The following RPH3AL variants were observed in gnomAD, a reference collection of about 807,000 sequenced individuals.
RPH3AL encodes the protein rab effector Noc2.
Under a neutral mutation model 43.1 loss-of-function variants are expected in RPH3AL, and 38 were observed. The ratio of observed to expected loss-of-function variants is 0.88; its 90% CI spans 0.68 to 1.15. The LOEUF (loss-of-function observed/expected upper bound fraction) is 1.15. Ranked by LOEUF, RPH3AL falls within the 50% of genes most tolerant of loss-of-function variation. The pLI, the probability that RPH3AL is intolerant of heterozygous loss-of-function variation, is 0.00. For missense variants in RPH3AL, 462 were observed against 423.2 expected (o/e 1.09, Z -0.81); for synonymous variants, 189 against 176.3 (o/e 1.07, Z -0.57).
At chr17:248,991 C>A (rs2151547608) in intron 6 of RPH3AL, among the ~76,000 whole-genome samples, 1 of 152,260 alleles carries the variant, frequency 6.6e-6, no homozygotes, top group Non-Finnish European at 1.5e-5. Context: ...AAGCTCTTCT[C>A]TGAGGACTTC....
At position 323,280 on chromosome 17, in the gene RPH3AL, A is replaced by G. The variant is rs994030779; in HGVS notation, c.78-1865T>C. On this transcript the variant is annotated intron_variant, in intron 3 of 9. Coordinates refer to ENST00000331302, the MANE Select transcript of RPH3AL (RefSeq NM_006987.4). This position sits in a 1 kb window ranked among gnomAD's most constrained non-coding sequence, Gnocchi z 4.4. ...CCAATTTAAAAAAAAAAAAACTGCA[A>G]TGCCCTAGACCAACGCTTTCCAAGC... Among the ~76,000 whole-genome samples the G allele has an allele frequency of 1.3e-5, 2 of 151,782 alleles. No individual in the cohort carries two copies. Among genetic ancestry groups the G allele is most frequent in the African/African-American group, 2.4e-5 (1 of 41,250 alleles).
rs908159311 is a variant in RPH3AL, at chr17:274,288, C to A, written c.438+7480G>T. 3.3e-5 allele frequency among the ~76,000 whole-genome samples: 5 copies of A among 152,310 alleles called. No individual in the cohort carries two copies. The highest frequency in any genetic ancestry group is 1.2e-4 in the African/African-American group (5 of 41,590). ...CTCCACATCAGGTGAGGGGATGAGG[C>A]GGGAGACGGGAGGCGTGCCATGGAC... On this transcript the variant is annotated intron_variant, in intron 6 of 9. Coordinates refer to ENST00000331302, the MANE Select transcript of RPH3AL (RefSeq NM_006987.4). This position sits in a 1 kb window ranked among gnomAD's most constrained non-coding sequence, Gnocchi z 4.7.
chr17:289,543 T>A lies in RPH3AL; in HGVS notation c.352-7689A>T, dbSNP rs9891792. On this transcript the variant is annotated intron_variant, in intron 5 of 9. Coordinates refer to ENST00000331302, the MANE Select transcript of RPH3AL (RefSeq NM_006987.4). This position sits in a 1 kb window ranked among gnomAD's most constrained non-coding sequence, Gnocchi z 5.2. ...TTCCCGACATGGCAGCCAGGCCGATTTTCTCAAGAGGCAAATCTAATCATG... is the reference window on the plus strand; with the variant it reads ...TTCCCGACATGGCAGCCAGGCCGATATTCTCAAGAGGCAAATCTAATCATG... Among the ~76,000 whole-genome samples the A allele has an allele frequency of 6.6e-6, 1 of 152,184 alleles. No homozygotes were observed. The highest frequency in any genetic ancestry group is 1.5e-5 in the Non-Finnish European group (1 of 68,038).
intron 7 of RPH3AL, among the ~76,000 whole-genome samples, chr17:229,857 G>C (rs984120085): frequency 6.6e-6 from 1 of 152,228 alleles, no homozygotes; most frequent in Admixed American, 6.5e-5. Context: ...CTGAGGCCCA[G>C]AGGGCCTGTC....
intron 1 of RPH3AL, among the ~76,000 whole-genome samples, chr17:347,450 G>C (rs1567542372): frequency 1.3e-5 from 2 of 152,170 alleles, no homozygotes; most frequent in East Asian, 3.9e-4. Flanking sequence ...CAGGCGTGAG[G>C]GCACATGCCC....
intron 7 of RPH3AL, among the ~76,000 whole-genome samples, chr17:243,614 A>ACCTTCCTCTATTGATTAC (rs1567578193): frequency 1.8e-4 from 12 of 65,956 alleles, no homozygotes; most frequent in African/African-American, 5.3e-4. Flanking sequence ...TCTATTGATT[A>ACCTTCCTCTATTGATTAC]CCTTCCTCTA....
chr17:304,433 G>C (rs55929526), intron 5 of RPH3AL, among the ~76,000 whole-genome samples: 4 of 151,896 alleles, frequency 2.6e-5, no homozygotes, highest in African/African-American at 4.8e-5. Flanking sequence ...AAATTCCGTC[G>C]AGAGGAAACT....
chr17:347,391 G>A (rs1251223147), intron 1 of RPH3AL, among the ~76,000 whole-genome samples: 1 of 152,168 alleles, frequency 6.6e-6, no homozygotes, highest in Non-Finnish European at 1.5e-5. Flanking sequence ...AGCCAACCTG[G>A]GTAGCACAGT....
chr17:213,868 G>T lies in RPH3AL; in HGVS notation c.932C>A (p.Ser311Tyr). ...PAADAAPAGPSSCLG is the reference protein window; with the variant it reads ...PAADAAPAGPYSCLG ...CCAGACACCTCAGCCCAGGCAGCTG[G>T]AGGGGCCTGCTGGAGCTGCGTCAGC... The change falls in exon 10 of 10, where the codon TCC becomes TAC. Residue 311 changes from serine to tyrosine, a missense_variant. Transcript: ENST00000331302. 1 of 1,613,622 alleles carries T rather than the reference G, an allele frequency of 6.2e-7. No homozygotes were observed.
At chr17:334,378 C>T (rs781024378) in intron 1 of RPH3AL, among the ~76,000 whole-genome samples, 1 of 152,264 alleles carries the variant, frequency 6.6e-6, no homozygotes, top group Non-Finnish European at 1.5e-5. Flanking sequence ...GCCCGGCAAA[C>T]ACCCACGGAG....
chr17:270,393 G>A (rs879918845), intron 6 of RPH3AL, among the ~76,000 whole-genome samples: 13 of 152,290 alleles, frequency 8.5e-5, no homozygotes, highest in African/African-American at 2.2e-4. Flanking sequence ...CGGCTAGCAC[G>A]GCCAGTTCCC....
intron 4 of RPH3AL, 102 bp from the exon 5 acceptor site, chr17:319,651 C>A: frequency 1.4e-6 from 2 of 1,421,250 alleles, no homozygotes; most frequent in Admixed American, 3.9e-5. Context: ...GTCCCCTCAC[C>A]TGGGATATTG....
chr17:234,796 G>T (rs1379111131), intron 7 of RPH3AL, among the ~76,000 whole-genome samples: 2 of 152,208 alleles, frequency 1.3e-5, no homozygotes, highest in Non-Finnish European at 1.5e-5. Flanking sequence ...ACGGGGGTGG[G>T]GAGTGGGCTG....
In RPH3AL at chr17:213,792, AGCCGGGCAG is replaced by A; in HGVS notation, c.*51_*59del. The A allele has an allele frequency of 7.2e-7, 1 of 1,390,716 alleles. No homozygotes were observed. The highest frequency in any genetic ancestry group is 1.0e-6 in the Non-Finnish European group (1 of 986,194). The allele number at this position is 1,390,716 out of a possible 1,614,324, so 86.1% of individuals were successfully genotyped here. A position where few individuals can be genotyped will look rare whatever the true frequency, so the allele number is the denominator to read the frequency against. ...AGGGCACAAGGACCGGTCAGGGAGG[AGCCGGGCAG>A]GGTCTGGCAGGAATCCTCCACAGGG... On this transcript the variant is annotated 3_prime_UTR_variant, in exon 10 of 10. Coordinates refer to ENST00000331302, the MANE Select transcript of RPH3AL (RefSeq NM_006987.4).
chr17:262,758 C>T (rs560378799), intron 6 of RPH3AL, among the ~76,000 whole-genome samples: 59 of 152,298 alleles, frequency 3.9e-4, no homozygotes, highest in African/African-American at 1.1e-3. Context: ...CGCCCACACA[C>T]CAAGCCAATA....
At chr17:295,359 CA>C (rs1348666171) in intron 5 of RPH3AL, among the ~76,000 whole-genome samples, 87 of 134,694 alleles carry the variant, frequency 6.5e-4, no homozygotes, top group Non-Finnish European at 9.8e-4. Context: ...AATGGACGGG[CA>C]GAGGGAATGC....
At chr17:313,860 C>A (rs1422162740) in intron 5 of RPH3AL, among the ~76,000 whole-genome samples, 2 of 152,186 alleles carry the variant, frequency 1.3e-5, no homozygotes, top group African/African-American at 2.4e-5. Flanking sequence ...CAAATGCCCA[C>A]CATCCAGCTG....
rs775093419 is a variant in RPH3AL at position 219,721 on chromosome 17, C to A, written c.629G>T (p.Ser210Ile). The change falls in exon 8 of 10, where the codon AGT becomes ATT. Residue 210 changes from serine (S) to isoleucine (I), a missense_variant. Transcript: ENST00000331302. ...GGAGCTAAGATCCGAGTCACTGTCACTGTCACTGGAAACCACTGGAAGAGA... is the reference window on the plus strand; with the variant it reads ...GGAGCTAAGATCCGAGTCACTGTCAATGTCACTGGAAACCACTGGAAGAGA... ...WARGRVVSSD[S>I]DSDSDLSSSS... The A allele has an allele frequency of 2.5e-6, 4 of 1,613,540 alleles. No homozygotes were observed. Among genetic ancestry groups the A allele is most frequent in the Admixed American group, 3.3e-5 (2 of 60,004 alleles).
chr17:230,783 C>T (rs918931942), intron 7 of RPH3AL, among the ~76,000 whole-genome samples: 17 of 152,186 alleles, frequency 1.1e-4, no homozygotes, highest in Admixed American at 3.9e-4. Context: ...CCTTTCTCTC[C>T]GTGTGTCTCT....
Sources: gnomAD v4.1 joint callset for allele counts (sites outside exome capture counted in the v4.1 genomes callset) on GRCh38, gnomAD v4.1.1 for gene constraint, Gnocchi (gnomAD v3.1) non-coding constraint, MANE v1.5 for transcripts, NCBI Gene and HGNC (gene_info 2026-07-23, HGNC 2026-07-21) for gene names.